TRPS1: variants seen among roughly 807,000 people sequenced by gnomAD.
TRPS1 encodes the protein transcriptional repressor GATA binding 1.
In TRPS1, 6 loss-of-function variants were observed where a neutral mutation model predicts 101.2. The ratio of observed to expected loss-of-function variants is 0.06; its 90% CI spans 0.03 to 0.12. The LOEUF (loss-of-function observed/expected upper bound fraction) is 0.12. Ranked by LOEUF, TRPS1 falls within the 10% of genes least tolerant of loss-of-function variation. TRPS1 has a pLI of 1.00. For synonymous variants in TRPS1, 578 were observed against 589.8 expected, an observed-to-expected ratio of 0.98 and a Z score of 0.29; for missense variants, 1,363 against 1,567.0, an observed-to-expected ratio of 0.87 and a Z score of 2.20.
At chr8:115,500,721 C>T (rs1262654376) in intron 5 of TRPS1, among the ~76,000 whole-genome samples, 3 of 152,040 alleles carry the variant, frequency 2.0e-5, no homozygotes, top group Non-Finnish European at 4.4e-5. Context: ...AGGCGCCTGC[C>T]ACCATGCCTG....
At chr8:115,538,461 G>A (rs1816374566) in intron 5 of TRPS1, among the ~76,000 whole-genome samples, 1 of 151,978 alleles carries the variant, frequency 6.6e-6, no homozygotes, top group Non-Finnish European at 1.5e-5. Context: ...AGCACCATTT[G>A]GTGCTTCTCA....
At chr8:115,565,469 A>T (rs879538377) in intron 5 of TRPS1, among the ~76,000 whole-genome samples, 1 of 134,844 alleles carries the variant, frequency 7.4e-6, no homozygotes, top group Admixed American at 7.7e-5. Flanking sequence ...ATTTAATTGC[A>T]TTGGAAAAAA....
intron 5 of TRPS1, among the ~76,000 whole-genome samples, chr8:115,561,206 C>A (rs1028838676): frequency 1.3e-5 from 2 of 152,094 alleles, no homozygotes; most frequent in Non-Finnish European, 2.9e-5. Flanking sequence ...ATTTACAAAT[C>A]TTCACCTATA....
intron 5 of TRPS1, among the ~76,000 whole-genome samples, chr8:115,437,406 G>C (rs761784011): frequency 2.0e-5 from 3 of 152,204 alleles, no homozygotes; most frequent in African/African-American, 7.2e-5. Context: ...CTTGTGGCCA[G>C]CTCATAGGAG....
intron 1 of TRPS1, among the ~76,000 whole-genome samples, chr8:115,649,320 C>T (rs955046583): frequency 6.6e-6 from 1 of 152,172 alleles, no homozygotes; most frequent in Admixed American, 6.5e-5. Context: ...GATACAGCAA[C>T]TCAAATCTTG....
chr8:115,531,619 G>A (rs1185168603), intron 5 of TRPS1, among the ~76,000 whole-genome samples: 21 of 152,190 alleles, frequency 1.4e-4, no homozygotes, highest in Admixed American at 1.3e-3. Context: ...GGTTAGGAAA[G>A]AAGGTGGAGT....
intron 5 of TRPS1, among the ~76,000 whole-genome samples, chr8:115,545,034 C>G (rs1052546994): frequency 6.6e-6 from 1 of 152,106 alleles, no homozygotes; most frequent in East Asian, 1.9e-4. Flanking sequence ...GCTATTTGCT[C>G]ATTGTTAACT....
In TRPS1 at chr8:115,572,862, G is replaced by A. The variant is rs530621759; in HGVS notation, c.2700+14139C>T. The stretch of plus-strand genomic sequence containing the variant: ...TGAAAATAAATATACGCCAGACTCC[G>A]TGGCTCACGCCTGTAATCCCAGCAC... On this transcript the variant is annotated intron_variant, in intron 5 of 6. Transcript: ENST00000395715. 1.4e-4 allele frequency among the ~76,000 whole-genome samples: 21 copies of A among 152,190 alleles called. No individual in the cohort carries two copies. In the East Asian group the frequency reaches 1.9e-3, roughly 14 times the overall value.
chr8:115,457,189 T>C (rs1043860155), intron 5 of TRPS1, among the ~76,000 whole-genome samples: 45 of 152,132 alleles, frequency 3.0e-4, no homozygotes, highest in African/African-American at 5.8e-4. Flanking sequence ...TAATTTAGAC[T>C]GATTAGAAAA....
chr8:115,552,040 T>C (rs969376840), intron 5 of TRPS1, among the ~76,000 whole-genome samples: 20 of 152,148 alleles, frequency 1.3e-4, no homozygotes, highest in African/African-American at 4.6e-4. Flanking sequence ...GTCAACATAA[T>C]AGGAATCAGC....
At chr8:115,646,982 G>A (rs1449164527) in intron 1 of TRPS1, among the ~76,000 whole-genome samples, 2 of 151,304 alleles carry the variant, frequency 1.3e-5, no homozygotes, top group Non-Finnish European at 3.0e-5. Flanking sequence ...TAAAAAGAAG[G>A]ATCTAAACTT....
chr8:115,520,453 T>C (rs1815830630), intron 5 of TRPS1, among the ~76,000 whole-genome samples: 1 of 151,862 alleles, frequency 6.6e-6, no homozygotes, highest in South Asian at 2.1e-4. Flanking sequence ...AGATGACAAG[T>C]ATAATCTACT....
intron 5 of TRPS1, among the ~76,000 whole-genome samples, chr8:115,584,813 A>C (rs1453883733): frequency 6.6e-6 from 1 of 152,102 alleles, no homozygotes; most frequent in Non-Finnish European, 1.5e-5. Flanking sequence ...GTACACATTG[A>C]AAATTTCATA....
At chr8:115,535,000 TAGCATATATATAGCATATATATA>T (rs1379417068) in intron 5 of TRPS1, among the ~76,000 whole-genome samples, 2 of 149,168 alleles carry the variant, frequency 1.3e-5, no homozygotes, top group African/African-American at 4.9e-5. Flanking sequence ...TAAATATATA[TAGCATATATATAGCATATATATA>T]AGCATATATA....
intron 5 of TRPS1, among the ~76,000 whole-genome samples, chr8:115,424,148 T>C (rs990422844): frequency 6.6e-6 from 1 of 152,214 alleles, no homozygotes; most frequent in Non-Finnish European, 1.5e-5. Flanking sequence ...ATAGGCAGAA[T>C]ATTTACTCAC....
chr8:115,536,766 T>C (rs185817819), intron 5 of TRPS1, among the ~76,000 whole-genome samples: 91 of 151,846 alleles, frequency 6.0e-4, no homozygotes, highest in South Asian at 1.9e-3. Flanking sequence ...CTTCAGTGAG[T>C]ACTTACTAAA....
At chr8:115,437,119 T>C (rs757813789) in intron 5 of TRPS1, among the ~76,000 whole-genome samples, 25 of 152,200 alleles carry the variant, frequency 1.6e-4, no homozygotes, top group Admixed American at 4.6e-4. Flanking sequence ...AAAGAGTCCA[T>C]CATTATCTAC....
intron 5 of TRPS1, among the ~76,000 whole-genome samples, chr8:115,564,707 T>C (rs1225435342): frequency 1.3e-5 from 2 of 152,072 alleles, no homozygotes; most frequent in Non-Finnish European, 2.9e-5. Flanking sequence ...CCTCACAATA[T>C]TGGTACCCCA....
At chr8:115,668,169 C>T in intron 1 of TRPS1, 1 of 541,420 alleles carries the variant, frequency 1.8e-6, no homozygotes. Flanking sequence ...TTTGAAGTCG[C>T]TGGTTTCCAA....
Sources: allele counts gnomAD v4.1 joint callset (sites outside exome capture counted in the v4.1 genomes callset), GRCh38; gene constraint gnomAD v4.1.1; transcripts MANE v1.5; gene names NCBI Gene and HGNC (gene_info 2026-07-23, HGNC 2026-07-21).